Variants in NDRG4 observed in about 807,000 individuals in gnomAD.
NDRG4 encodes the protein protein NDRG4.
Under a neutral mutation model 55.8 loss-of-function variants are expected in NDRG4, and 38 were observed. The ratio of observed to expected loss-of-function variants is 0.68; its 90% CI spans 0.53 to 0.89. The LOEUF (loss-of-function observed/expected upper bound fraction) is 0.89. NDRG4 is among the 40% of genes least tolerant of loss of function. The pLI is 0.00. For missense variants in NDRG4, 455 were observed against 468.6 expected, an observed-to-expected ratio of 0.97 and a Z score of 0.27; for synonymous variants, 190 against 182.7, an observed-to-expected ratio of 1.04 and a Z score of -0.32.
chr16:58,499,203 G>A (rs1239433420), upstream of NDRG4: 1 of 152,418 alleles, frequency 6.6e-6, no homozygotes, highest in Non-Finnish European at 1.5e-5. Flanking sequence ...CACGGAGCCT[G>A]AGATAGACCT....
At chr16:58,513,974 A>G (rs1043989899), downstream of NDRG4, among the ~76,000 whole-genome samples, 3 of 152,282 alleles carry the variant, frequency 2.0e-5, no homozygotes, top group South Asian at 4.1e-4. Context: ...AAACAAAAAA[A>G]CAAAATACAG....
In NDRG4 at chr16:58,506,508, C is replaced by T. The variant is rs754941847; in HGVS notation, c.459+35C>T. 15 of 1,590,496 alleles carry T rather than the reference C, an allele frequency of 9.4e-6. No homozygotes were observed. The East Asian group carries it at 2.7e-4, about 29-fold the overall frequency. On this transcript the variant is annotated intron_variant, in intron 6 of 14. Transcript: ENST00000570248. ...GTGACCGGGGGTGGGGTGGGTATAC[C>T]TAGGGTGGGGTGAGGGGCGGCACTC...
chr16:58,497,980 G>T (rs1157445224), upstream of NDRG4, among the ~76,000 whole-genome samples: 1 of 152,122 alleles, frequency 6.6e-6, no homozygotes, highest in Non-Finnish European at 1.5e-5. Flanking sequence ...CTTGCCCAAG[G>T]TCACCCGGCT....
chr16:58,508,852 C>T, intron 10 of NDRG4, 110 bp from the exon 11 acceptor site: 8 of 1,211,936 alleles, frequency 6.6e-6, no homozygotes, highest in Non-Finnish European at 9.5e-6. Context: ...GGGCCTCCCT[C>T]TGCCTCCCTG....
At chr16:58,509,955 C>CACACA (rs1407658648) in intron 13 of NDRG4, among the ~76,000 whole-genome samples, 2 of 152,172 alleles carry the variant, frequency 1.3e-5, no homozygotes, top group Non-Finnish European at 2.9e-5. Context: ...CACACACACA[C>CACACA]ACACAACACA....
chr16:58,467,542 C>T (rs2031930140), intron 1 of NDRG4, among the ~76,000 whole-genome samples: 1 of 152,102 alleles, frequency 6.6e-6, no homozygotes, highest in Non-Finnish European at 1.5e-5. Flanking sequence ...GTATACTTTT[C>T]ACATTCTCCT....
chr16:58,482,146 C>G (rs990552947), intron 1 of NDRG4, among the ~76,000 whole-genome samples: 1 of 152,192 alleles, frequency 6.6e-6, no homozygotes, highest in Admixed American at 6.5e-5. Flanking sequence ...ACCCCTCCCC[C>G]AGGGTAGAGC....
upstream of NDRG4, among the ~76,000 whole-genome samples, chr16:58,496,088 C>G (rs567267353): frequency 6.6e-6 from 1 of 152,298 alleles, no homozygotes; most frequent in East Asian, 1.9e-4. Context: ...CTCAGAGCAG[C>G]CAGCCGGTGC....
At chr16:58,472,948 T>C (rs2033084029) in intron 1 of NDRG4, among the ~76,000 whole-genome samples, 1 of 152,130 alleles carries the variant, frequency 6.6e-6, no homozygotes, top group African/African-American at 2.4e-5. Flanking sequence ...GCTTTGCTGC[T>C]TTATCCTCAT....
intron 1 of NDRG4, among the ~76,000 whole-genome samples, chr16:58,476,256 G>A (rs981689558): frequency 3.9e-5 from 6 of 152,228 alleles, no homozygotes; most frequent in Non-Finnish European, 8.8e-5. Context: ...GAACAGATAT[G>A]GGGGGATAAT....
At chr16:58,473,934 G>A (rs1458180535) in intron 1 of NDRG4, among the ~76,000 whole-genome samples, 3 of 151,166 alleles carry the variant, frequency 2.0e-5, no homozygotes, top group Admixed American at 6.6e-5. Context: ...AACGGGACCA[G>A]CACTCCAACG....
chr16:58,492,828 A>C (rs1468947239), intron 2 of NDRG4, among the ~76,000 whole-genome samples: 1 of 152,006 alleles, frequency 6.6e-6, no homozygotes, highest in African/African-American at 2.4e-5. Context: ...CCGCTTGTGC[A>C]AGGTCTTTGA....
Position 58,464,396 on chromosome 16 carries a change from C to T in NDRG4, c.-24+599C>T. The stretch of plus-strand genomic sequence containing the variant: ...CTCGGCCGAGCGCGCTGCCCCGACG[C>T]CGCCACCCAGAGCCGGGCCGCGCCG... On this transcript the variant is annotated intron_variant, in intron 1 of 15. Coordinates refer to the NDRG4 transcript ENST00000258187. This position sits in a 1 kb window ranked among gnomAD's most constrained non-coding sequence, Gnocchi z 4.8. 7.3e-7 allele frequency: 1 copy of T among 1,371,350 alleles called. No individual in the cohort carries two copies. Among genetic ancestry groups the T allele is most frequent in the Non-Finnish European group, 9.4e-7 (1 of 1,065,752 alleles). The allele number at this position is 1,371,350 out of a possible 1,614,324, so 84.9% of individuals were successfully genotyped here.
chr16:58,466,081 G>A (rs1228581503), intron 1 of NDRG4, among the ~76,000 whole-genome samples: 1 of 152,196 alleles, frequency 6.6e-6, no homozygotes, highest in Non-Finnish European at 1.5e-5. Context: ...CAGTGGCACA[G>A]TCTCGGCTCC....
In NDRG4 at chr16:58,464,136, A is replaced by T; in HGVS notation, c.-24+339A>T. Reference sequence around the variant, plus strand: ...ACGGGGGACCACCTCCCACGGTGTCACCGCACCCACCCCGCGCCCTTCCTC... The same window carrying T: ...ACGGGGGACCACCTCCCACGGTGTCTCCGCACCCACCCCGCGCCCTTCCTC... On this transcript the variant is annotated intron_variant, in intron 1 of 15. Transcript: ENST00000258187. The surrounding 1 kb of genome is among the most constrained non-coding windows in gnomAD (Gnocchi z 4.8). 2.9e-6 allele frequency: 1 copy of T among 341,380 alleles called. No individual in the cohort carries two copies. 21.1% of individuals were successfully genotyped at this position (341,380 alleles called of 1,614,324 possible).
intron 1 of NDRG4, among the ~76,000 whole-genome samples, chr16:58,487,597 G>GCTT (rs2035248604): frequency 6.6e-6 from 1 of 152,224 alleles, no homozygotes; most frequent in South Asian, 2.1e-4. Context: ...CTTGCAGACG[G>GCTT]AGGCCTGGGG....
chr16:58,490,060 T>C (rs577368086), intron 2 of NDRG4, among the ~76,000 whole-genome samples: 3 of 152,316 alleles, frequency 2.0e-5, no homozygotes, highest in African/African-American at 7.2e-5. Context: ...CAGACTGGTC[T>C]TGAACTTCTG....
chr16:58,496,268 C>T (rs1256079904), upstream of NDRG4, among the ~76,000 whole-genome samples: 2 of 151,970 alleles, frequency 1.3e-5, no homozygotes, highest in Admixed American at 6.6e-5. Flanking sequence ...TGCCTCTGGC[C>T]CCTGAGCCCT....
chr16:58,470,939 G>A (rs2032681661), intron 1 of NDRG4, among the ~76,000 whole-genome samples: 1 of 151,296 alleles, frequency 6.6e-6, no homozygotes, highest in Admixed American at 6.6e-5. Flanking sequence ...AGGGAAGCAG[G>A]GGATATTCAA....
Sources: allele counts gnomAD v4.1 joint callset (sites outside exome capture counted in the v4.1 genomes callset), GRCh38; gene constraint gnomAD v4.1.1; non-coding constraint Gnocchi (gnomAD v3.1); transcripts MANE v1.5; gene names NCBI Gene and HGNC (gene_info 2026-07-23, HGNC 2026-07-21).